The following ABCA12 variants were observed in gnomAD, a reference collection of about 807,000 sequenced individuals.
ABCA12 encodes ATP binding cassette subfamily A member 12, also known as glucosylceramide transporter ABCA12.
Under a neutral mutation model 293.5 loss-of-function variants are expected in ABCA12, and 156 were observed. That is an observed-to-expected ratio of 0.53 (90% CI 0.47 to 0.61). ABCA12 has a LOEUF of 0.61. ABCA12 is among the 20% of genes least tolerant of loss of function. The pLI is 0.00. For synonymous variants in ABCA12, 1,063 were observed against 1,108.0 expected (o/e 0.96, Z 0.81); for missense variants, 2,797 against 3,090.2 (o/e 0.91, Z 2.25).
At chr2:214,978,254 G>C in intron 33 of ABCA12, 62 bp downstream of exon 33, 1 of 1,583,030 alleles carries the variant, frequency 6.3e-7, no homozygotes, top group African/African-American at 1.3e-5. Context: ...AAGTCTGTCT[G>C]TGATTTTTCT....
Position 214,951,131 on chromosome 2 carries a change from C to CA in ABCA12, c.6648-49dup, listed in dbSNP as rs1408230840. 3 of 1,539,580 alleles carry CA rather than the reference C, an allele frequency of 1.9e-6. No homozygotes were observed. The South Asian group carries it at 3.4e-5, about 17-fold the overall frequency. ...TACGTCAATGATTTTGAAATGACAG[C>CA]ATTCAATTTTGACATGTTTTGATGG... On this transcript the variant is annotated intron_variant, in intron 44 of 52. Coordinates refer to ENST00000272895, the MANE Select transcript of ABCA12 (RefSeq NM_173076.3).
intron 9 of ABCA12, among the ~76,000 whole-genome samples, chr2:215,027,873 T>C (rs1345232017): frequency 6.6e-6 from 1 of 152,190 alleles, no homozygotes; most frequent in Non-Finnish European, 1.5e-5. Context: ...AATTTAGTGT[T>C]TCCAAATTCA....
At chr2:215,133,149 ATTTTTTTTTTTTTTTTTTTTT>A (rs55641331) in intron 1 of ABCA12, among the ~76,000 whole-genome samples, 804 of 34,914 alleles carry the variant, frequency 0.023, 16 homozygotes, top group Middle Eastern at 0.079. Flanking sequence ...GCTGGCTTTA[ATTTTTTTTTTTTTTTTTTTTT>A]TTTTTTTTTT....
At position 215,031,880 on chromosome 2, in the gene ABCA12, T is replaced by C. The variant is rs1292681433; in HGVS notation, c.1002A>G (p.Ile334Met). Reference protein sequence around the residue: ...DSPAQGDSDNITHVWNEDDGQ... With the variant: ...DSPAQGDSDNMTHVWNEDDGQ... ...CATCATCCTCATTCCACACATGCGT[T>C]ATATTATCGGAGTCACCTGAAGTAA... The change falls in exon 9 of 53, where the codon ATA becomes ATG. Residue 334 changes from isoleucine to methionine, a missense_variant. Physicochemically the swap from Ile to Met is conservative, Grantham distance 10. This residue lies in a region of ABCA12 where 656 missense variants were observed against 638.2 expected (regional missense o/e 1.03). Coordinates refer to ENST00000272895, the MANE Select transcript of ABCA12 (RefSeq NM_173076.3). 1.9e-6 allele frequency: 3 copies of C among 1,613,948 alleles called. No individual in the cohort carries two copies. Among genetic ancestry groups the C allele is most frequent in the East Asian group, 2.2e-5 (1 of 44,860 alleles).
chr2:214,933,894 C>CTAT (rs1698139733), intron 52 of ABCA12, among the ~76,000 whole-genome samples, 184 bp downstream of exon 52: 1 of 152,014 alleles, frequency 6.6e-6, no homozygotes, highest in Non-Finnish European at 1.5e-5. Flanking sequence ...TCTTTCACAT[C>CTAT]TATTTTTTTA....
chr2:215,028,891 G>A (rs755395776), intron 9 of ABCA12, among the ~76,000 whole-genome samples: 51 of 152,270 alleles, frequency 3.3e-4, no homozygotes, highest in Non-Finnish European at 5.4e-4. Context: ...CCCTGAGCAG[G>A]TATTTTGAAA....
chr2:214,955,837 C>A (rs1197521636), intron 42 of ABCA12, among the ~76,000 whole-genome samples: 2 of 152,116 alleles, frequency 1.3e-5, no homozygotes, highest in Admixed American at 1.3e-4. Flanking sequence ...TAAAAAGCCT[C>A]TTTAAGAAAC....
At chr2:215,090,136 C>G (rs1417375719) in intron 2 of ABCA12, among the ~76,000 whole-genome samples, 2 of 152,200 alleles carry the variant, frequency 1.3e-5, no homozygotes, top group Non-Finnish European at 2.9e-5. Flanking sequence ...GAACAACCCC[C>G]TTTGACTGTA....
At chr2:214,996,443 A>G (rs569992896) in intron 23 of ABCA12, among the ~76,000 whole-genome samples, 2 of 152,132 alleles carry the variant, frequency 1.3e-5, no homozygotes, top group African/African-American at 4.8e-5. Flanking sequence ...TATCTCAAAG[A>G]TTTTCTTTAC....
chr2:215,130,207 C>A (rs896281451), intron 1 of ABCA12, among the ~76,000 whole-genome samples: 1 of 150,920 alleles, frequency 6.6e-6, no homozygotes, highest in Non-Finnish European at 1.5e-5. Flanking sequence ...GCTATTCGGG[C>A]TTTCTCTTGG....
At chr2:215,037,555 G>A (rs983633747) in intron 7 of ABCA12, among the ~76,000 whole-genome samples, 4 of 152,078 alleles carry the variant, frequency 2.6e-5, no homozygotes, top group African/African-American at 7.2e-5. Flanking sequence ...GAAGAAAATG[G>A]AGCTTGCCCT....
At chr2:215,113,143 A>G (rs1476153633) in intron 1 of ABCA12, among the ~76,000 whole-genome samples, 1 of 152,102 alleles carries the variant, frequency 6.6e-6, no homozygotes, top group South Asian at 2.1e-4. Context: ...CAATTCACCA[A>G]AGCAATCCAA....
At chr2:214,958,871 C>A (rs1196304269) in intron 40 of ABCA12, among the ~76,000 whole-genome samples, 153 bp downstream of exon 40, 1 of 152,190 alleles carries the variant, frequency 6.6e-6, no homozygotes, top group East Asian at 1.9e-4. Flanking sequence ...TACACCCTTG[C>A]AGAAACTTCC....
chr2:215,031,928 T>C, intron 8 of ABCA12, 32 bp from the exon 9 acceptor site: 1 of 1,612,342 alleles, frequency 6.2e-7, no homozygotes, highest in Non-Finnish European at 8.5e-7. Context: ...AGGTAAACAT[T>C]TAACATGTTT....
At chr2:215,043,754 C>T (rs1049113484) in intron 7 of ABCA12, among the ~76,000 whole-genome samples, 1 of 151,994 alleles carries the variant, frequency 6.6e-6, no homozygotes, top group African/African-American at 2.4e-5. Flanking sequence ...TTGACAAATA[C>T]ACATACATGT....
chr2:214,999,692 T>C (rs572397827), intron 22 of ABCA12: 53 of 433,572 alleles, frequency 1.2e-4, no homozygotes, highest in African/African-American at 1.1e-3. Flanking sequence ...GTGCAAACCA[T>C]TGCAGTTCAC....
Position 214,932,335 on chromosome 2 carries a change from ATAAAT to A in ABCA12, c.*294_*298del, listed in dbSNP as rs570560109. 9.4e-6 allele frequency: 3 copies of A among 318,414 alleles called. No individual in the cohort carries two copies. The highest frequency in any genetic ancestry group is 2.2e-5 in the African/African-American group (1 of 46,362). The allele number at this position is 318,414 out of a possible 1,614,324, so 19.7% of individuals were successfully genotyped here. On this transcript the variant is annotated 3_prime_UTR_variant, in exon 53 of 53. Coordinates refer to ENST00000272895, the MANE Select transcript of ABCA12 (RefSeq NM_173076.3). ...TTAAACTGTCTTTTTATTGAAAGTA[ATAAAT>A]TAAGATATTCATCTTGAGGTGGCTT...
In ABCA12 at chr2:215,052,487, C is replaced by T. The variant is rs1313215239; in HGVS notation, c.507G>A (p.Lys169=). 2 of 1,611,784 alleles carry T rather than the reference C, an allele frequency of 1.2e-6. No individual in the cohort carries two copies. The highest frequency in any genetic ancestry group is 1.7e-6 in the Non-Finnish European group (2 of 1,178,546). Residue 169 remains lysine, a splice_region_variant and synonymous_variant, in exon 5 of 53, where the codon AAG becomes AAA. Coordinates refer to ENST00000272895, the MANE Select transcript of ABCA12 (RefSeq NM_173076.3). ...CCATTACAAAATTGAATCAAGTTAC[C>T]TTTTCCAAGCCAAGAATTCGTGCGA... The part of the protein sequence containing the change: ...QVLARILGLE[K]LLKQNSTSED...
chr2:215,109,532 G>A (rs1250351183), intron 2 of ABCA12, among the ~76,000 whole-genome samples: 1 of 152,184 alleles, frequency 6.6e-6, no homozygotes, highest in Non-Finnish European at 1.5e-5. Context: ...CTGATAAACA[G>A]AAAGATAATC....
Sources: allele counts gnomAD v4.1 joint callset (sites outside exome capture counted in the v4.1 genomes callset), GRCh38; gene constraint gnomAD v4.1.1; regional missense constraint gnomAD v4.1.1; transcripts MANE v1.5; gene names NCBI Gene and HGNC (gene_info 2026-07-23, HGNC 2026-07-21).